The following RIPOR3 variants were observed in gnomAD, a reference collection of about 807,000 sequenced individuals.
The protein encoded by RIPOR3 is family with sequence similarity 65 member C.
A neutral mutation model predicts 114.3 loss-of-function variants in RIPOR3; 95 were observed. That is an observed-to-expected ratio of 0.83 (90% CI 0.70 to 0.99). The LOEUF is 0.99. Among genes scored for constraint, RIPOR3 ranks in the 50% least tolerant of loss-of-function variants. The probability of loss-of-function intolerance (pLI) is 0.00; values close to 1 mark genes in which losing one functional copy is unlikely to be tolerated. For missense variants in RIPOR3, 1,252 were observed against 1,266.9 expected (o/e 0.99, Z 0.18); for synonymous variants, 575 against 543.8 (o/e 1.06, Z -0.80).
intron 1 of RIPOR3, among the ~76,000 whole-genome samples, chr20:50,651,053 C>T (rs750439841): frequency 6.6e-6 from 1 of 151,962 alleles, no homozygotes; most frequent in East Asian, 1.9e-4. Flanking sequence ...CTCACTGCAA[C>T]CTCTGCCTCC....
intron 1 of RIPOR3, among the ~76,000 whole-genome samples, chr20:50,684,009 A>C (rs1327630198): frequency 6.6e-6 from 1 of 151,926 alleles, no homozygotes; most frequent in Non-Finnish European, 1.5e-5. Context: ...TGAACCCGGG[A>C]GGCAGAGGTT....
intron 2 of RIPOR3, among the ~76,000 whole-genome samples, chr20:50,627,211 C>T (rs1431468494): frequency 1.3e-5 from 2 of 151,068 alleles, no homozygotes; most frequent in African/African-American, 2.4e-5. Flanking sequence ...TTAAGAATTT[C>T]TATTTGGTGC....
At chr20:50,637,448 G>A (rs1431806188) in intron 1 of RIPOR3, among the ~76,000 whole-genome samples, 1 of 152,088 alleles carries the variant, frequency 6.6e-6, no homozygotes, top group East Asian at 1.9e-4. Flanking sequence ...ACGTGGACTT[G>A]CCCCTCACCC....
At chr20:50,619,835 C>T (rs2084329876) in intron 3 of RIPOR3, 151 bp downstream of exon 3, 3 of 1,061,430 alleles carry the variant, frequency 2.8e-6, no homozygotes, top group Admixed American at 2.5e-5. Context: ...CGCGGCTGCA[C>T]CCTGACATAC....
intron 19 of RIPOR3, among the ~76,000 whole-genome samples, chr20:50,590,650 T>C (rs1261040499): frequency 6.6e-6 from 1 of 152,100 alleles, no homozygotes; most frequent in Non-Finnish European, 1.5e-5. Flanking sequence ...GCCACATCGG[T>C]GTGGAAATGT....
At chr20:50,593,255 A>C in intron 17 of RIPOR3, 59 bp from the exon 18 acceptor site, 67 of 1,561,654 alleles carry the variant, frequency 4.3e-5, no homozygotes, top group Non-Finnish European at 5.5e-5. Flanking sequence ...CACGCTTCTC[A>C]GCTGGGAGTA....
chr20:50,627,952 C>T (rs986566728), intron 2 of RIPOR3, among the ~76,000 whole-genome samples: 4 of 152,214 alleles, frequency 2.6e-5, no homozygotes, highest in African/African-American at 9.6e-5. Flanking sequence ...GTGGACCAGC[C>T]CCACTCCAGG....
At chr20:50,589,015 G>A in intron 20 of RIPOR3, among the ~76,000 whole-genome samples, 1 of 139,146 alleles carries the variant, frequency 7.2e-6, no homozygotes, top group East Asian at 2.3e-4. Context: ...CCAGAAGGCA[G>A]AGCTTGCAGT....
At chr20:50,662,893 G>T (rs543843778) in intron 1 of RIPOR3, among the ~76,000 whole-genome samples, 1 of 152,190 alleles carries the variant, frequency 6.6e-6, no homozygotes, top group East Asian at 1.9e-4. Context: ...TCAGGAGTTC[G>T]AGACCAGCCT....
At chr20:50,606,070 G>A (rs1029695413) in intron 11 of RIPOR3, among the ~76,000 whole-genome samples, 2 of 152,242 alleles carry the variant, frequency 1.3e-5, no homozygotes, top group African/African-American at 4.8e-5. Flanking sequence ...GCTGGGCATG[G>A]TGGCAGGCAC....
intron 1 of RIPOR3, among the ~76,000 whole-genome samples, chr20:50,676,548 AG>A (rs2086682790): frequency 6.6e-6 from 1 of 152,020 alleles, no homozygotes; most frequent in African/African-American, 2.4e-5. Flanking sequence ...GCTACTCTGG[AG>A]GCTGAGGTAG....
intron 14 of RIPOR3, 84 bp downstream of exon 14, chr20:50,597,496 G>A (rs1041837807): frequency 6.6e-7 from 1 of 1,523,906 alleles, no homozygotes; most frequent in Non-Finnish European, 8.9e-7. Flanking sequence ...GAAACAGACG[G>A]GGAGGCTGGC....
intron 19 of RIPOR3, among the ~76,000 whole-genome samples, chr20:50,591,512 A>G (rs2083107005): frequency 6.6e-6 from 1 of 152,194 alleles, no homozygotes; most frequent in African/African-American, 2.4e-5. Context: ...CTCCAAATAA[A>G]GAGTTAAAAA....
At chr20:50,614,315 C>G (rs918838115) in intron 4 of RIPOR3, among the ~76,000 whole-genome samples, 1 of 152,142 alleles carries the variant, frequency 6.6e-6, no homozygotes, top group African/African-American at 2.4e-5. Context: ...AGACTACAAG[C>G]GTGAGCCACT....
At chr20:50,611,850 G>A (rs1048444993) in intron 4 of RIPOR3, among the ~76,000 whole-genome samples, 6 of 152,122 alleles carry the variant, frequency 3.9e-5, no homozygotes, top group Non-Finnish European at 7.4e-5. Flanking sequence ...CTGGCCAGGC[G>A]CAGTGGCTCA....
At chr20:50,670,662 T>C (rs1222098126) in intron 1 of RIPOR3, among the ~76,000 whole-genome samples, 1 of 152,098 alleles carries the variant, frequency 6.6e-6, no homozygotes, top group African/African-American at 2.4e-5. Context: ...CTGTGGAGCA[T>C]TGTGTTAGTA....
chr20:50,600,059 C>G lies in RIPOR3; in HGVS notation c.1659+2013G>C, dbSNP rs114166767. On this transcript the variant is annotated intron_variant, in intron 13 of 21. Transcript: ENST00000327979. ...GGGACTACAGGTGCACGCTACCATG[C>G]TCAGCTAATTCTTTTGTCTTTTTAG... is the stretch of plus-strand genomic sequence containing the variant. 3.5e-3 allele frequency among the ~76,000 whole-genome samples: 532 copies of G among 152,250 alleles called. 2 individuals are homozygous for G. The highest frequency in any genetic ancestry group is 0.012 in the African/African-American group (499 of 41,532).
chr20:50,603,540 A>C (rs2083581114), intron 12 of RIPOR3, among the ~76,000 whole-genome samples: 1 of 152,106 alleles, frequency 6.6e-6, no homozygotes, highest in Non-Finnish European at 1.5e-5. Context: ...CACCCAGCCT[A>C]GTTTTGGATG....
intron 1 of RIPOR3, among the ~76,000 whole-genome samples, chr20:50,672,024 AGGTG>A (rs1431259939): frequency 2.2e-5 from 2 of 92,352 alleles, no homozygotes; most frequent in South Asian, 3.7e-4. Flanking sequence ...ATGGATGGGT[AGGTG>A]GGTGGGTGGG....
Sources: allele counts gnomAD v4.1 joint callset (sites outside exome capture counted in the v4.1 genomes callset), GRCh38; gene constraint gnomAD v4.1.1; transcripts MANE v1.5; gene names NCBI Gene and HGNC (gene_info 2026-07-23, HGNC 2026-07-21).